MAML3: variants seen among roughly 807,000 people sequenced by gnomAD.
MAML3 encodes the protein mastermind-like protein 3.
In MAML3, 27 loss-of-function variants were observed where a neutral mutation model predicts 101.9. That is an observed-to-expected ratio of 0.27 (90% CI 0.20 to 0.37). The LOEUF (loss-of-function observed/expected upper bound fraction) is 0.37. Ranked by LOEUF, MAML3 falls within the 10% of genes least tolerant of loss-of-function variation. The pLI is 1.00. For synonymous variants in MAML3, 501 were observed against 555.9 expected (o/e 0.90, Z 1.39); for missense variants, 1,316 against 1,444.9 (o/e 0.91, Z 1.45).
chr4:140,151,768 G>A (rs942430969), intron 1 of MAML3, among the ~76,000 whole-genome samples: 4 of 152,184 alleles, frequency 2.6e-5, no homozygotes, highest in Non-Finnish European at 4.4e-5. Context: ...ACCGGAGAGG[G>A]GAGATAAGAG....
chr4:139,884,925 G>C (rs1307095297), intron 2 of MAML3, among the ~76,000 whole-genome samples: 2 of 152,236 alleles, frequency 1.3e-5, no homozygotes, highest in East Asian at 3.8e-4. Flanking sequence ...GTGTGTGTAA[G>C]AGAGAAGAGA....
At chr4:140,014,977 A>G (rs2110866406) in intron 1 of MAML3, among the ~76,000 whole-genome samples, 1 of 152,392 alleles carries the variant, frequency 6.6e-6, no homozygotes, top group South Asian at 2.1e-4. Flanking sequence ...ATTCAAATTA[A>G]AACTGAAAAG....
intron 2 of MAML3, among the ~76,000 whole-genome samples, chr4:139,877,394 G>C (rs1263108738): frequency 6.6e-6 from 1 of 151,818 alleles, no homozygotes; most frequent in African/African-American, 2.4e-5. Context: ...TGTATGAATA[G>C]TTAATGAACG....
At position 140,141,418 on chromosome 4, in the gene MAML3, G is replaced by A. The variant is rs148407511; in HGVS notation, c.468+11442C>T. Among the ~76,000 whole-genome samples, 14 of 152,310 alleles carry A rather than the reference G, an allele frequency of 9.2e-5. No individual in the cohort carries two copies. The East Asian group carries it at 2.7e-3, about 29-fold the overall frequency. On this transcript the variant is annotated intron_variant, in intron 1 of 4. Coordinates refer to ENST00000509479, the MANE Select transcript of MAML3 (RefSeq NM_018717.5). ...TTAGTCAGGGTAATTTAACCTGTAG[G>A]AAGTGGCAACTCACAGACCTGAGAT...
At chr4:139,872,182 A>G (rs534358000) in intron 2 of MAML3, among the ~76,000 whole-genome samples, 21 of 152,342 alleles carry the variant, frequency 1.4e-4, no homozygotes, top group South Asian at 1.2e-3. Flanking sequence ...TATTGAATAT[A>G]AACGGGAATC....
chr4:139,987,460 A>C (rs772170673), intron 1 of MAML3, among the ~76,000 whole-genome samples: 19 of 152,208 alleles, frequency 1.2e-4, no homozygotes, highest in Non-Finnish European at 2.9e-5. Context: ...CTGAATGTTC[A>C]GAATGCCTCT....
intron 1 of MAML3, among the ~76,000 whole-genome samples, chr4:139,921,913 T>A (rs1234774227): frequency 6.6e-6 from 1 of 152,226 alleles, no homozygotes; most frequent in African/African-American, 2.4e-5. Context: ...AATAAAGGTA[T>A]CAGCAGTTCA....
intron 2 of MAML3, among the ~76,000 whole-genome samples, chr4:139,863,832 G>GTTTTTTTTTTTTTTTTTTTTTTTTTTTTT (rs58270046): frequency 1.8e-5 from 2 of 111,254 alleles, no homozygotes; most frequent in Non-Finnish European, 3.8e-5. Context: ...CAGAACATGG[G>GTTTTTTTTTTTTTTTTTTTTTTTTTTTTT]TTTTTTTTTT....
intron 1 of MAML3, among the ~76,000 whole-genome samples, chr4:139,923,094 G>A (rs1035269836): frequency 6.6e-6 from 1 of 152,176 alleles, no homozygotes; most frequent in African/African-American, 2.4e-5. Flanking sequence ...ACATTGACAG[G>A]GTCTCTAGAC....
At chr4:139,775,432 T>G (rs535962007) in intron 2 of MAML3, among the ~76,000 whole-genome samples, 1 of 152,144 alleles carries the variant, frequency 6.6e-6, no homozygotes, top group Non-Finnish European at 1.5e-5. Context: ...ACACATTAGC[T>G]GGCCCTTGCG....
chr4:140,021,820 T>C (rs1726738201), intron 1 of MAML3, among the ~76,000 whole-genome samples: 1 of 152,186 alleles, frequency 6.6e-6, no homozygotes, highest in African/African-American at 2.4e-5. Context: ...AGTCCTGTCC[T>C]GAATCCCACT....
intron 1 of MAML3, among the ~76,000 whole-genome samples, chr4:140,060,518 C>G (rs1295006120): frequency 6.6e-6 from 1 of 151,910 alleles, no homozygotes; most frequent in Non-Finnish European, 1.5e-5. Context: ...TTTCTTTGAA[C>G]AGGGCATTAG....
chr4:140,106,639 A>T (rs529150881), intron 1 of MAML3, among the ~76,000 whole-genome samples: 2 of 152,248 alleles, frequency 1.3e-5, no homozygotes, highest in South Asian at 4.1e-4. Flanking sequence ...AGACTGCTAC[A>T]CACCAATACT....
chr4:139,819,364 T>G (rs559051781), intron 2 of MAML3, among the ~76,000 whole-genome samples: 16 of 152,284 alleles, frequency 1.1e-4, no homozygotes, highest in African/African-American at 3.8e-4. Flanking sequence ...TGAAAGGTAT[T>G]TGGAATCAGA....
chr4:139,884,526 T>G (rs145983974), intron 2 of MAML3, among the ~76,000 whole-genome samples: 1 of 152,130 alleles, frequency 6.6e-6, no homozygotes, highest in Non-Finnish European at 1.5e-5. Context: ...CCCACAGGAG[T>G]TATTCTTGGG....
chr4:139,960,513 A>G (rs1167845600), intron 1 of MAML3, among the ~76,000 whole-genome samples: 3 of 152,216 alleles, frequency 2.0e-5, no homozygotes, highest in Admixed American at 2.0e-4. Flanking sequence ...CTATGGAGAC[A>G]CGTTCCAATT....
At chr4:140,024,213 G>A (rs1489026188) in intron 1 of MAML3, among the ~76,000 whole-genome samples, 5 of 151,724 alleles carry the variant, frequency 3.3e-5, no homozygotes, top group South Asian at 4.2e-4. Context: ...GAGTCAAGAT[G>A]GATGGATTGA....
At chr4:139,922,543 C>A (rs35663346) in intron 1 of MAML3, among the ~76,000 whole-genome samples, 50,015 of 151,984 alleles carry the variant, frequency 0.33, 9,357 homozygotes, top group East Asian at 0.63. Context: ...ATTAGACATA[C>A]GATTTACATT....
intron 2 of MAML3, among the ~76,000 whole-genome samples, chr4:139,824,083 T>C (rs1463122193): frequency 6.6e-6 from 1 of 152,020 alleles, no homozygotes; most frequent in Non-Finnish European, 1.5e-5. Context: ...ATTCTGGGGG[T>C]TCAGTAGCCT....
Sources: allele counts gnomAD v4.1 joint callset (sites outside exome capture counted in the v4.1 genomes callset), GRCh38; gene constraint gnomAD v4.1.1; transcripts MANE v1.5; gene names NCBI Gene and HGNC (gene_info 2026-07-23, HGNC 2026-07-21).